DLG5: variants seen among roughly 807,000 people sequenced by gnomAD.
The protein encoded by DLG5 is disks large homolog 5.
In DLG5, 48 loss-of-function variants were observed where a neutral mutation model predicts 189.8. The ratio of observed to expected loss-of-function variants is 0.25; its 90% CI spans 0.20 to 0.32. The LOEUF (loss-of-function observed/expected upper bound fraction) is 0.32. DLG5 is among the 10% of genes least tolerant of loss of function. The pLI is 1.00. For synonymous variants in DLG5, 1,016 were observed against 1,054.1 expected (o/e 0.96, Z 0.70); for missense variants, 2,160 against 2,544.7 (o/e 0.85, Z 3.25).
At chr10:77,812,100 G>A (rs1303130668) in intron 21 of DLG5, 43 bp from the exon 22 acceptor site, 2 of 1,603,378 alleles carry the variant, frequency 1.2e-6, no homozygotes, top group East Asian at 2.2e-5. Context: ...GGTCGGGGCT[G>A]TGGACAGGGA....
In DLG5 at chr10:77,819,984, G is replaced by T; in HGVS notation, c.3437C>A (p.Ser1146Tyr). The T allele has an allele frequency of 6.2e-7, 1 of 1,613,534 alleles. No individual in the cohort carries two copies. Among genetic ancestry groups the T allele is most frequent in the Non-Finnish European group, 8.5e-7 (1 of 1,179,874 alleles). The change falls in exon 16 of 32, where the codon TCC (serine) becomes TAC (tyrosine). Residue 1146 changes from serine to tyrosine, a missense_variant. Coordinates refer to ENST00000372391, the MANE Select transcript of DLG5 (RefSeq NM_004747.4). ...AGGTGCCCACTCCTGGAGCTCCGGG[G>T]AGAGTTCTCCACTGGCCGGGACACA... is the stretch of plus-strand genomic sequence containing the variant. ...QKCVPASGEL[S>Y]PELQEWAPYS...
At chr10:77,840,164 G>A (rs1843348594) in intron 7 of DLG5, among the ~76,000 whole-genome samples, 2 of 152,102 alleles carry the variant, frequency 1.3e-5, no homozygotes, top group African/African-American at 4.8e-5. Context: ...GATCGCTTGA[G>A]CCCAGGAGTT....
At chr10:77,874,927 T>C (rs1258699788) in intron 1 of DLG5, among the ~76,000 whole-genome samples, 2 of 152,210 alleles carry the variant, frequency 1.3e-5, no homozygotes, top group Admixed American at 1.3e-4. Flanking sequence ...ACTGCTGCAC[T>C]GTATATGGCA....
At chr10:77,907,608 C>T (rs1179269030) in intron 1 of DLG5, among the ~76,000 whole-genome samples, 1 of 152,144 alleles carries the variant, frequency 6.6e-6, no homozygotes, top group African/African-American at 2.4e-5. Context: ...GCAGCTTACG[C>T]TTACACAGTA....
intron 7 of DLG5, among the ~76,000 whole-genome samples, chr10:77,838,342 C>T (rs1295326648): frequency 6.6e-6 from 1 of 152,170 alleles, no homozygotes; most frequent in Non-Finnish European, 1.5e-5. Flanking sequence ...ACCTCAACTC[C>T]CCAGGCAGTT....
intron 8 of DLG5, 89 bp downstream of exon 8, chr10:77,835,649 T>G: frequency 7.3e-7 from 1 of 1,372,046 alleles, no homozygotes. Context: ...GGACATACAG[T>G]AAATGATTCC....
intron 1 of DLG5, among the ~76,000 whole-genome samples, chr10:77,893,640 G>A (rs1448718567): frequency 2.0e-5 from 3 of 152,230 alleles, no homozygotes; most frequent in African/African-American, 7.2e-5. Context: ...ATGCCATAGG[G>A]AAGCATCTGC....
At chr10:77,937,902 G>C in the DLG5 span, among the ~76,000 whole-genome samples, 13 of 128,162 alleles carry the variant, frequency 1.0e-4, no homozygotes, top group Admixed American at 7.0e-4. Context: ...TTTTTTAGTA[G>C]AGATGAGGTT....
At chr10:77,798,689 C>T (rs964538742) in intron 27 of DLG5, among the ~76,000 whole-genome samples, 1 of 152,206 alleles carries the variant, frequency 6.6e-6, no homozygotes, top group Non-Finnish European at 1.5e-5. Context: ...CCGCTCTGCT[C>T]CTTTTGGGCA....
rs187318621 is a variant in DLG5, at chr10:77,903,261, C to G, written c.304+22956G>C. The stretch of plus-strand genomic sequence containing the variant: ...TGGCCAATATGGAGAACCCCCGTCT[C>G]TACTAAAAATACAAAAATTAGCCGG... On this transcript the variant is annotated intron_variant, in intron 1 of 31. Transcript: ENST00000372391. Among the ~76,000 whole-genome samples, 357 of 152,114 alleles carry G rather than the reference C, an allele frequency of 2.3e-3. 1 individual carries two copies. The highest frequency in any genetic ancestry group is 8.5e-3 in the African/African-American group (351 of 41,514).
At chr10:77,927,805 C>G (rs1846743067), upstream of DLG5, 3 of 152,266 alleles carry the variant, frequency 2.0e-5, no homozygotes, top group African/African-American at 7.2e-5. Context: ...TGGACACATA[C>G]TGCTTACCTC....
In DLG5 at chr10:77,856,725, A is replaced by G. The variant is rs771839121; in HGVS notation, c.536+5T>C. On this transcript the variant is annotated splice_donor_5th_base_variant and intron_variant, in intron 3 of 31. Transcript: ENST00000372391. ...CCTGGGCAGGGGAGACGGCGCAATT[A>G]CTACCTCTTGTCAAAGGCCGTGCCA... The G allele has an allele frequency of 6.2e-7, 1 of 1,611,852 alleles. No homozygotes were observed. Among genetic ancestry groups the G allele is most frequent in the African/African-American group, 1.3e-5 (1 of 74,858 alleles).
intron 1 of DLG5, among the ~76,000 whole-genome samples, chr10:77,916,553 A>T (rs934464201): frequency 6.6e-6 from 1 of 151,958 alleles, no homozygotes; most frequent in Admixed American, 6.6e-5. Context: ...CAGCCTCCCA[A>T]AATGCTGGGA....
chr10:77,816,696 C>G lies in DLG5; in HGVS notation c.3880G>C (p.Val1294Leu), dbSNP rs143790160. Residue 1294 changes from valine to leucine, a missense_variant, in exon 20 of 32, where the codon GTG becomes CTG. Physicochemically the swap from Val to Leu is conservative, Grantham distance 32. Coordinates refer to ENST00000372391, the MANE Select transcript of DLG5 (RefSeq NM_004747.4). ...RSVVGSERGS[V>L]SHSECSTPPQ... is the part of the protein sequence containing the mutation. The stretch of plus-strand genomic sequence containing the variant: ...GGAGTGCTGCATTCAGAATGTGACA[C>G]TGAACCTGCAGAGAGGAGCGGGTAA... The G allele has an allele frequency of 3.7e-6, 6 of 1,607,316 alleles. No individual in the cohort carries two copies. The highest frequency in any genetic ancestry group is 1.3e-5 in the African/African-American group (1 of 75,004).
intron 1 of DLG5, among the ~76,000 whole-genome samples, chr10:77,893,197 G>A (rs762930859): frequency 1.3e-5 from 2 of 152,240 alleles, no homozygotes; most frequent in Admixed American, 1.3e-4. Flanking sequence ...AGAAGGAAAC[G>A]TCACCTTACC....
intron 5 of DLG5, among the ~76,000 whole-genome samples, chr10:77,846,280 T>C (rs1843688504): frequency 6.6e-6 from 1 of 152,216 alleles, no homozygotes; most frequent in African/African-American, 2.4e-5. Flanking sequence ...ACCATGACTA[T>C]ACTGGGTCAG....
intron 2 of DLG5, 180 bp downstream of exon 2, chr10:77,868,949 T>C: frequency 1.6e-6 from 1 of 611,248 alleles, no homozygotes; most frequent in South Asian, 1.9e-5. Flanking sequence ...CCCACCTCCT[T>C]CTAACATCAG....
At chr10:77,838,892 G>C (rs1843280474) in intron 7 of DLG5, among the ~76,000 whole-genome samples, 1 of 152,250 alleles carries the variant, frequency 6.6e-6, no homozygotes, top group South Asian at 2.1e-4. Context: ...AGGAGCTGAG[G>C]ATTTCAGCTC....
chr10:77,827,121 T>C (rs1481391650), intron 13 of DLG5, among the ~76,000 whole-genome samples: 1 of 152,242 alleles, frequency 6.6e-6, no homozygotes, highest in Non-Finnish European at 1.5e-5. Flanking sequence ...TGGGAAGCAG[T>C]ACACAAGAGG....
Sources: allele counts gnomAD v4.1 joint callset (sites outside exome capture counted in the v4.1 genomes callset), GRCh38; gene constraint gnomAD v4.1.1; transcripts MANE v1.5; gene names NCBI Gene and HGNC (gene_info 2026-07-23, HGNC 2026-07-21).